The following PTPRG variants were observed in gnomAD, a reference collection of about 807,000 sequenced individuals.
PTPRG encodes the protein protein tyrosine phosphatase receptor type G, also known as receptor-type tyrosine-protein phosphatase gamma.
PTPRG carries 102 observed loss-of-function variants against 165.3 expected under a neutral mutation model. That is an observed-to-expected ratio of 0.62 (90% CI 0.53 to 0.73). The LOEUF is 0.73. Among genes scored for constraint, PTPRG ranks in the 30% least tolerant of loss-of-function variants. The pLI is 0.00. For synonymous variants in PTPRG, 675 were observed against 669.5 expected (o/e 1.01, Z -0.13); for missense variants, 1,866 against 1,861.4 (o/e 1.00, Z -0.05).
intron 2 of PTPRG, among the ~76,000 whole-genome samples, chr3:61,924,050 G>T (rs1440390097): frequency 6.6e-6 from 1 of 152,020 alleles, no homozygotes; most frequent in Non-Finnish European, 1.5e-5. Context: ...AGAAAGCTAG[G>T]GCTTTTCCCA....
chr3:61,875,003 T>C (rs2037694795), intron 2 of PTPRG, among the ~76,000 whole-genome samples: 1 of 152,206 alleles, frequency 6.6e-6, no homozygotes, highest in Admixed American at 6.5e-5. Flanking sequence ...GTATATGGGA[T>C]GAGCAGGAAC....
chr3:62,138,714 C>CAAAAAAAAAAAAAAA lies in PTPRG; in HGVS notation c.682+6054_682+6068dup, dbSNP rs563632840. ...AGCCTCAGTGACAAGGGCAAAGCTC[C>CAAAAAAAAAAAAAAA]AAAAAAAAAAAAAAAAAAAAAAGAA... On this transcript the variant is annotated intron_variant, in intron 6 of 29. Transcript: ENST00000474889. 1.5e-4 allele frequency among the ~76,000 whole-genome samples: 14 copies of CAAAAAAAAAAAAAAA among 91,382 alleles called. 1 individual carries two copies. The Admixed American group carries it at 1.8e-3, about 12-fold the overall frequency. The allele number at this position is 91,382 out of a possible 152,430, so 60.0% of individuals were successfully genotyped here.
intron 2 of PTPRG, among the ~76,000 whole-genome samples, chr3:61,860,736 G>A (rs1336845355): frequency 2.6e-5 from 4 of 152,050 alleles, no homozygotes; most frequent in African/African-American, 7.2e-5. Context: ...GAGCCACTGC[G>A]CCTAGCCCAT....
intron 4 of PTPRG, among the ~76,000 whole-genome samples, chr3:62,067,199 G>A (rs1440472402): frequency 2.6e-5 from 4 of 151,922 alleles, no homozygotes; most frequent in African/African-American, 7.3e-5. Context: ...GACAGGGGGT[G>A]TAGGACAGGG....
chr3:61,583,478 G>T (rs2106802797), intron 1 of PTPRG, among the ~76,000 whole-genome samples: 1 of 152,280 alleles, frequency 6.6e-6, no homozygotes, highest in Middle Eastern at 3.4e-3. Flanking sequence ...GTAAAGCACT[G>T]GTCCCTAGCA....
chr3:61,983,298 C>T (rs893204097), intron 2 of PTPRG, among the ~76,000 whole-genome samples: 4 of 151,930 alleles, frequency 2.6e-5, no homozygotes, highest in Non-Finnish European at 5.9e-5. Context: ...CCTGTGTATT[C>T]GATTTCGGAT....
intron 2 of PTPRG, among the ~76,000 whole-genome samples, chr3:61,804,733 T>C (rs2035361075): frequency 6.6e-6 from 1 of 151,588 alleles, no homozygotes; most frequent in Admixed American, 6.6e-5. Context: ...ATAAAGAAGA[T>C]GTTATAAACA....
chr3:61,903,163 C>G (rs1312474021), intron 2 of PTPRG, among the ~76,000 whole-genome samples: 4 of 152,156 alleles, frequency 2.6e-5, no homozygotes, highest in African/African-American at 9.7e-5. Context: ...GCTGTTCTCT[C>G]CATCTGGTAT....
chr3:62,295,419 G>C lies in PTPRG; in HGVS notation c.*2112G>C, dbSNP rs984390879. The C allele has an allele frequency of 2.0e-5, 3 of 151,990 alleles. No homozygotes were observed. The South Asian group carries it at 6.2e-4, about 32-fold the overall frequency. 9.4% of individuals were successfully genotyped at this position (151,990 alleles called of 1,614,324 possible). ...GGCTTGATGTTCAAAAGTAATGTTCGAGTTAGGGTTCATGGTCCCTTTCTC... is the reference window on the plus strand; with the variant it reads ...GGCTTGATGTTCAAAAGTAATGTTCCAGTTAGGGTTCATGGTCCCTTTCTC... On this transcript the variant is annotated 3_prime_UTR_variant, in exon 30 of 30. Transcript: ENST00000474889.
intron 2 of PTPRG, among the ~76,000 whole-genome samples, chr3:61,803,567 T>G (rs2035322404): frequency 7.5e-6 from 1 of 134,098 alleles, no homozygotes; most frequent in South Asian, 2.3e-4. Flanking sequence ...CTATTTCAAC[T>G]TATGTTCACG....
intron 1 of PTPRG, among the ~76,000 whole-genome samples, chr3:61,581,073 A>AT (rs1242090375): frequency 1.3e-5 from 2 of 152,064 alleles, no homozygotes; most frequent in Non-Finnish European, 1.5e-5. Flanking sequence ...TCTCAATGGT[A>AT]TTTTTTTGTA....
chr3:62,096,878 T>C (rs947519403), intron 5 of PTPRG, among the ~76,000 whole-genome samples: 1 of 152,254 alleles, frequency 6.6e-6, no homozygotes, highest in African/African-American at 2.4e-5. Flanking sequence ...ACACATTTTA[T>C]ACTCAGTTAT....
chr3:62,112,967 G>A (rs901073878), intron 5 of PTPRG, among the ~76,000 whole-genome samples: 3 of 152,136 alleles, frequency 2.0e-5, no homozygotes, highest in Non-Finnish European at 2.9e-5. Context: ...GGAGCAGACC[G>A]TACCACCTGA....
chr3:62,004,285 G>A (rs2041240547), intron 4 of PTPRG, among the ~76,000 whole-genome samples: 1 of 152,142 alleles, frequency 6.6e-6, no homozygotes, highest in African/African-American at 2.4e-5. Flanking sequence ...AGAAGTGTGT[G>A]GAAGAACAAA....
intron 4 of PTPRG, among the ~76,000 whole-genome samples, chr3:62,006,548 A>AT (rs1223081632): frequency 2.4e-4 from 36 of 152,204 alleles, no homozygotes; most frequent in Admixed American, 6.5e-5. Context: ...TTAATTTATC[A>AT]TGGAGCAATT....
chr3:61,965,585 G>A (rs1228970552), intron 2 of PTPRG, among the ~76,000 whole-genome samples: 5 of 151,092 alleles, frequency 3.3e-5, no homozygotes, highest in Non-Finnish European at 7.4e-5. Flanking sequence ...TTCTTCTAAA[G>A]CACTTGCAAA....
chr3:61,849,880 G>C (rs2036914005), intron 2 of PTPRG, among the ~76,000 whole-genome samples: 2 of 152,190 alleles, frequency 1.3e-5, no homozygotes, highest in Non-Finnish European at 2.9e-5. Flanking sequence ...CCTGATAGCT[G>C]AGTTGACTTA....
chr3:62,035,687 G>A (rs1699916495), intron 4 of PTPRG, among the ~76,000 whole-genome samples: 1 of 152,152 alleles, frequency 6.6e-6, no homozygotes, highest in Admixed American at 6.5e-5. Flanking sequence ...CAGCATAAAA[G>A]CAAGCACATT....
At chr3:61,930,975 C>G (rs188821841) in intron 2 of PTPRG, among the ~76,000 whole-genome samples, 1 of 152,132 alleles carries the variant, frequency 6.6e-6, no homozygotes, top group Admixed American at 6.5e-5. Flanking sequence ...GCAGAAGAAT[C>G]ACTTGAACCT....
Sources: gnomAD v4.1 joint callset for allele counts (sites outside exome capture counted in the v4.1 genomes callset) on GRCh38, gnomAD v4.1.1 for gene constraint, MANE v1.5 for transcripts, NCBI Gene and HGNC (gene_info 2026-07-23, HGNC 2026-07-21) for gene names.